ST6GALNAC2: variants seen among roughly 807,000 people sequenced by gnomAD.
ST6GALNAC2 encodes the protein alpha-N-acetylgalactosaminide alpha-2,6-sialyltransferase 2.
A neutral mutation model predicts 38.7 loss-of-function variants in ST6GALNAC2; 42 were observed. The ratio of observed to expected loss-of-function variants is 1.09; its 90% CI spans 0.85 to 1.40. ST6GALNAC2 has a LOEUF of 1.40. ST6GALNAC2 is among the 40% of genes most tolerant of loss of function. The pLI is 0.00. For missense variants in ST6GALNAC2, 506 were observed against 481.7 expected (o/e 1.05, Z -0.47); for synonymous variants, 233 against 209.0 (o/e 1.11, Z -0.99).
At chr17:76,583,040 T>G (rs1179277993) in intron 1 of ST6GALNAC2, among the ~76,000 whole-genome samples, 1 of 152,182 alleles carries the variant, frequency 6.6e-6, no homozygotes, top group East Asian at 1.9e-4. Context: ...TTAAAGTCTA[T>G]TAGATACCCT....
At chr17:76,577,524 G>A (rs1220241644) in intron 2 of ST6GALNAC2, among the ~76,000 whole-genome samples, 2 of 151,564 alleles carry the variant, frequency 1.3e-5, no homozygotes, top group African/African-American at 2.4e-5. Context: ...CTCCTAAGGT[G>A]CTCAAGGCCT....
At chr17:76,569,494 G>A (rs2075327724) in intron 6 of ST6GALNAC2, 2 of 210,346 alleles carry the variant, frequency 9.5e-6, no homozygotes, top group Non-Finnish European at 1.8e-5. Context: ...GGCATTTGGG[G>A]TGGGAGGGTG....
At chr17:76,570,709 C>G in intron 5 of ST6GALNAC2, 41 bp from the exon 6 acceptor site, 1 of 1,496,346 alleles carries the variant, frequency 6.7e-7, no homozygotes, top group Non-Finnish European at 9.2e-7. Context: ...GGAACCAGGA[C>G]ATGTTTAGCT....
chr17:76,583,355 G>A (rs147100916), intron 1 of ST6GALNAC2, among the ~76,000 whole-genome samples: 67 of 124,824 alleles, frequency 5.4e-4, no homozygotes, highest in African/African-American at 1.8e-3. Flanking sequence ...CAGCCTGGGC[G>A]ACAGAGGGAG....
Position 76,585,676 on chromosome 17 carries a change from GC to G in ST6GALNAC2, c.125+7del, listed in dbSNP as rs535779563. On this transcript the variant is annotated splice_region_variant and intron_variant, in intron 1 of 8. Coordinates refer to ENST00000225276, the MANE Select transcript of ST6GALNAC2 (RefSeq NM_006456.3). The stretch of plus-strand genomic sequence containing the variant: ...GCGCCCTCCCGCTCTGCGCTCGGCA[GC>G]CCCTACCTGGCTCCGGCCGCTGGCC... 1.6e-4 allele frequency: 251 copies of G among 1,523,002 alleles called. No individual in the cohort carries two copies. In the African/African-American group the frequency reaches 3.2e-3, roughly 20 times the overall value. 94.3% of individuals were successfully genotyped at this position (1,523,002 alleles called of 1,614,324 possible).
At chr17:76,582,056 C>T (rs1009478151) in intron 1 of ST6GALNAC2, among the ~76,000 whole-genome samples, 3 of 151,114 alleles carry the variant, frequency 2.0e-5, no homozygotes, top group Non-Finnish European at 4.4e-5. Flanking sequence ...TTAGTAGAGA[C>T]GAGTTTCACC....
At chr17:76,575,096 C>T (rs2075400694) in intron 2 of ST6GALNAC2, among the ~76,000 whole-genome samples, 1 of 152,178 alleles carries the variant, frequency 6.6e-6, no homozygotes, top group Admixed American at 6.5e-5. Flanking sequence ...TCTGGCCTCA[C>T]ACTCCTTCAT....
chr17:76,567,654 C>T (rs2075301596), intron 7 of ST6GALNAC2, 102 bp from the exon 8 acceptor site: 14 of 737,380 alleles, frequency 1.9e-5, no homozygotes, highest in South Asian at 1.8e-4. Context: ...AAACTGAGGG[C>T]CTTCTACTCC....
At position 76,565,938 on chromosome 17, in the gene ST6GALNAC2, G is replaced by T; in HGVS notation, c.*166C>A. 1.5e-6 allele frequency: 1 copy of T among 651,740 alleles called. No individual in the cohort carries two copies. The highest frequency in any genetic ancestry group is 2.6e-6 in the Non-Finnish European group (1 of 391,234). 40.4% of individuals were successfully genotyped at this position (651,740 alleles called of 1,614,324 possible). On this transcript the variant is annotated 3_prime_UTR_variant, in exon 9 of 9. Coordinates refer to ENST00000225276, the MANE Select transcript of ST6GALNAC2 (RefSeq NM_006456.3). Reference sequence around the variant, plus strand: ...GAGTTCTTGGATGAGCCAAGGACAAGCTGGGGTGTCCTATATTGAACAGAC... The same window carrying T: ...GAGTTCTTGGATGAGCCAAGGACAATCTGGGGTGTCCTATATTGAACAGAC...
rs780648251 is a variant in ST6GALNAC2 at position 76,566,290 on chromosome 17, T to C, written c.958-19A>G. ...CACTGACCTGGGCAAGGATAGTCGC[T>C]GGATTAGTATTTGTTGAGCGTCTAG... On this transcript the variant is annotated intron_variant, in intron 8 of 8. Transcript: ENST00000225276. 6 of 1,613,316 alleles carry C rather than the reference T, an allele frequency of 3.7e-6. No homozygotes were observed. The highest frequency in any genetic ancestry group is 5.1e-6 in the Non-Finnish European group (6 of 1,179,564).
At chr17:76,578,634 T>C in intron 2 of ST6GALNAC2, 122 bp downstream of exon 2, 1 of 893,620 alleles carries the variant, frequency 1.1e-6, no homozygotes, top group South Asian at 1.6e-5. Flanking sequence ...AGCTGTAACT[T>C]AGGGCGTTCC....
At chr17:76,574,764 T>C (rs1012387561) in intron 2 of ST6GALNAC2, among the ~76,000 whole-genome samples, 2 of 151,690 alleles carry the variant, frequency 1.3e-5, no homozygotes, top group Non-Finnish European at 2.9e-5. Flanking sequence ...GCAAGCTCCG[T>C]CTCCCGGGTT....
In ST6GALNAC2 at chr17:76,567,112, C is replaced by G. The variant is rs192673999; in HGVS notation, c.957+341G>C. ...TGGCCCAGTATGTTGAGGACTTTGG[C>G]TTTCACAAGGGCAGTTTGATGATTT... is the stretch of plus-strand genomic sequence containing the variant. On this transcript the variant is annotated intron_variant, in intron 8 of 8. Coordinates refer to ENST00000225276, the MANE Select transcript of ST6GALNAC2 (RefSeq NM_006456.3). Among the ~76,000 whole-genome samples the G allele has an allele frequency of 1.8e-3, 267 of 152,264 alleles. 3 individuals are homozygous for G. The South Asian group carries it at 0.037, about 21-fold the overall frequency.
At chr17:76,581,257 G>A (rs1244635584) in intron 1 of ST6GALNAC2, among the ~76,000 whole-genome samples, 4 of 152,022 alleles carry the variant, frequency 2.6e-5, no homozygotes, top group African/African-American at 9.7e-5. Context: ...ACATAATCCC[G>A]TAGTTCCTGC....
intron 5 of ST6GALNAC2, 30 bp from the exon 6 acceptor site, chr17:76,570,698 G>C (rs745996868): frequency 6.4e-7 from 1 of 1,556,436 alleles, no homozygotes; most frequent in African/African-American, 1.4e-5. Flanking sequence ...GAGCCCAGAG[G>C]GGAACCAGGA....
Position 76,573,115 on chromosome 17 carries a change from G to A in ST6GALNAC2, c.530+80C>T. On this transcript the variant is annotated intron_variant, in intron 4 of 8. Coordinates refer to ENST00000225276, the MANE Select transcript of ST6GALNAC2 (RefSeq NM_006456.3). This position sits in a 1 kb window ranked among gnomAD's most constrained non-coding sequence, Gnocchi z 5.1. ...AGCCGCCCAGGCCACTGCTGCCATA[G>A]CCCACTGCCCCTGGGGGAGACACCC... The A allele has an allele frequency of 6.9e-7, 1 of 1,451,572 alleles. No individual in the cohort carries two copies. Among genetic ancestry groups the A allele is most frequent in the Non-Finnish European group, 9.3e-7 (1 of 1,074,718 alleles). 89.9% of individuals were successfully genotyped at this position (1,451,572 alleles called of 1,614,324 possible). A position where few individuals can be genotyped will look rare whatever the true frequency, so the allele number is the denominator to read the frequency against.
chr17:76,573,139 C>G lies in ST6GALNAC2; in HGVS notation c.530+56G>C. 6.5e-7 allele frequency: 1 copy of G among 1,527,514 alleles called. No individual in the cohort carries two copies. The highest frequency in any genetic ancestry group is 8.9e-7 in the Non-Finnish European group (1 of 1,128,272). The allele number at this position is 1,527,514 out of a possible 1,614,324, so 94.6% of individuals were successfully genotyped here. ...AGCCCACTGCCCCTGGGGGAGACACCCCCACCCTCCAGGCAACTCTCCCTC... is the reference window on the plus strand; with the variant it reads ...AGCCCACTGCCCCTGGGGGAGACACGCCCACCCTCCAGGCAACTCTCCCTC... On this transcript the variant is annotated intron_variant, in intron 4 of 8. Coordinates refer to ENST00000225276, the MANE Select transcript of ST6GALNAC2 (RefSeq NM_006456.3). This position sits in a 1 kb window ranked among gnomAD's most constrained non-coding sequence, Gnocchi z 5.1.
At position 76,574,415 on chromosome 17, in the gene ST6GALNAC2, C is replaced by A. The variant is rs776553153; in HGVS notation, c.311G>T (p.Arg104Leu). ...GDLFTPALWD[R>L]LSQHKAPYGW... ...ATACGGGGCTTTGTGTTGGCTCAGG[C>A]GGTCCCAGAGCGCTGGGGTGAAGAG... Residue 104 changes from arginine to leucine, a missense_variant, in exon 3 of 9, where the codon CGC (arginine) becomes CTC (leucine). By Grantham distance (102) the Arg-to-Leu change is moderately radical. Coordinates refer to ENST00000225276, the MANE Select transcript of ST6GALNAC2 (RefSeq NM_006456.3). 1 of 1,613,742 alleles carries A rather than the reference C, an allele frequency of 6.2e-7. No individual in the cohort carries two copies. The highest frequency in any genetic ancestry group is 1.1e-5 in the South Asian group (1 of 91,072).
chr17:76,584,193 C>CTTTT (rs55780682), intron 1 of ST6GALNAC2, among the ~76,000 whole-genome samples: 7,631 of 137,106 alleles, frequency 0.056, 804 homozygotes, highest in African/African-American at 0.19. Flanking sequence ...TCACCTCGAA[C>CTTTT]TTTTTTTTTT....
Sources: allele counts gnomAD v4.1 joint callset (sites outside exome capture counted in the v4.1 genomes callset), GRCh38; gene constraint gnomAD v4.1.1; non-coding constraint Gnocchi (gnomAD v3.1); transcripts MANE v1.5; gene names NCBI Gene and HGNC (gene_info 2026-07-23, HGNC 2026-07-21).